The following UGGT1 variants were observed in gnomAD, a reference collection of about 807,000 sequenced individuals.
The protein encoded by UGGT1 is UDP-glucose:glycoprotein glucosyltransferase 1.
UGGT1 carries 107 observed loss-of-function variants against 203.9 expected under a neutral mutation model. That is an observed-to-expected ratio of 0.52 (90% CI 0.45 to 0.62). The LOEUF (loss-of-function observed/expected upper bound fraction) is 0.62, where lower values mean the gene tolerates loss of function less well. UGGT1 is among the 20% of genes least tolerant of loss of function. UGGT1 has a pLI of 0.00. For missense variants in UGGT1, 1,673 were observed against 1,867.2 expected (o/e 0.90, Z 1.92); for synonymous variants, 628 against 653.5 (o/e 0.96, Z 0.59).
At chr2:128,133,447 A>T (rs1281883561) in intron 14 of UGGT1, among the ~76,000 whole-genome samples, 187 bp downstream of exon 14, 5 of 152,120 alleles carry the variant, frequency 3.3e-5, no homozygotes, top group Non-Finnish European at 7.4e-5. Flanking sequence ...GGGCTGTGGG[A>T]TGTAACAGGA....
At chr2:128,137,612 A>G (rs770172572) in intron 15 of UGGT1, among the ~76,000 whole-genome samples, 1 of 152,232 alleles carries the variant, frequency 6.6e-6, no homozygotes, top group Non-Finnish European at 1.5e-5. Flanking sequence ...TGGATCTAAC[A>G]TCATTGCCAA....
intron 15 of UGGT1, among the ~76,000 whole-genome samples, chr2:128,135,350 T>C (rs899740394): frequency 1.3e-5 from 2 of 152,262 alleles, no homozygotes; most frequent in African/African-American, 2.4e-5. Context: ...CTTTTGTAGA[T>C]GCAAACAGTA....
rs1688354018 is a variant in UGGT1 at position 128,120,953 on chromosome 2, TTAGTGTAGC to T, written c.974-245_974-237del. Reference sequence around the variant, plus strand: ...CCTGATTTAGCCTGTGCTACATGCGTTAGTGTAGCGTTAGTGTGTGCCCTAGTGTTTTCT... The same window carrying T: ...CCTGATTTAGCCTGTGCTACATGCGTGTTAGTGTGTGCCCTAGTGTTTTCT... On this transcript the variant is annotated intron_variant, in intron 9 of 40. Coordinates refer to ENST00000259253, the MANE Select transcript of UGGT1 (RefSeq NM_020120.4). Among the ~76,000 whole-genome samples the T allele has an allele frequency of 1.9e-3, 6 of 3,180 alleles. No individual in the cohort carries two copies. In the South Asian group the frequency reaches 0.025, roughly 13 times the overall value. 2.1% of individuals were successfully genotyped at this position (3,180 alleles called of 152,430 possible). A position where few individuals can be genotyped will look rare whatever the true frequency, so the allele number is the denominator to read the frequency against.
intron 31 of UGGT1, 151 bp from the exon 32 acceptor site, chr2:128,176,663 C>T: frequency 2.7e-6 from 2 of 730,110 alleles, no homozygotes; most frequent in Non-Finnish European, 4.7e-6. Context: ...ACACGTGCTT[C>T]TGTGCAGCTC....
chr2:128,149,438 A>G (rs1230626752), intron 18 of UGGT1, among the ~76,000 whole-genome samples: 3 of 150,266 alleles, frequency 2.0e-5, no homozygotes, highest in East Asian at 4.1e-4. Flanking sequence ...AGGTCAGGAG[A>G]TTGAGACCAT....
intron 7 of UGGT1, 149 bp from the exon 8 acceptor site, chr2:128,116,116 T>C (rs1342273027): frequency 1.9e-6 from 1 of 538,518 alleles, no homozygotes; most frequent in African/African-American, 1.9e-5. Context: ...CAAAGGGTAA[T>C]TGTGATAGTC....
At chr2:128,131,245 A>AG (rs1310596395) in intron 13 of UGGT1, among the ~76,000 whole-genome samples, 1 of 148,940 alleles carries the variant, frequency 6.7e-6, no homozygotes, top group Non-Finnish European at 1.5e-5. Flanking sequence ...AAAAAAAAAA[A>AG]AAAAAAAAAA....
chr2:128,145,753 G>T, intron 17 of UGGT1, 50 bp from the exon 18 acceptor site: 1 of 1,467,728 alleles, frequency 6.8e-7, no homozygotes, highest in Non-Finnish European at 9.1e-7. Context: ...TGTTCCATTT[G>T]TCTCACAAAA....
At chr2:128,133,281 G>A in intron 14 of UGGT1, 21 bp downstream of exon 14, 1 of 1,599,366 alleles carries the variant, frequency 6.3e-7, no homozygotes, top group Admixed American at 1.7e-5. Context: ...CTTATTGTCT[G>A]GCTGTGAACT....
At chr2:128,107,186 C>T (rs1322394699) in intron 3 of UGGT1, among the ~76,000 whole-genome samples, 1 of 68,422 alleles carries the variant, frequency 1.5e-5, no homozygotes, top group African/African-American at 4.1e-5. Context: ...ATTCTTATTT[C>T]TCATTCTTTC....
chr2:128,161,378 T>A, intron 25 of UGGT1, 110 bp downstream of exon 25: 1 of 1,322,016 alleles, frequency 7.6e-7, no homozygotes, highest in South Asian at 1.5e-5. Flanking sequence ...GGAGTTTTAT[T>A]TCCAGTTTAA....
intron 22 of UGGT1, among the ~76,000 whole-genome samples, chr2:128,158,398 C>CATATTCTGTGTATGTAGTGGAA (rs1690351223): frequency 6.6e-6 from 1 of 152,164 alleles, no homozygotes; most frequent in Admixed American, 6.5e-5. Flanking sequence ...CCAGACACTA[C>CATATTCTGTGTATGTAGTGGAA]GCCTCTTCCC....
rs765499364 is a variant in UGGT1, at chr2:128,103,959, G to T, written c.222G>T (p.Glu74Asp). ...ASEFLAEDSQ[E>D]KFWNFVEASQ... is the part of the protein sequence containing the mutation. ...AGTTTTTAGCAGAAGACAGTCAAGAGAAATTTTGGAATTTTGTAGAAGCCA... is the reference window on the plus strand; with the variant it reads ...AGTTTTTAGCAGAAGACAGTCAAGATAAATTTTGGAATTTTGTAGAAGCCA... Residue 74 changes from glutamate (E) to aspartate (D), a missense_variant, in exon 3 of 41, where the codon GAG becomes GAT. Coordinates refer to ENST00000259253, the MANE Select transcript of UGGT1 (RefSeq NM_020120.4). The T allele has an allele frequency of 2.5e-6, 4 of 1,591,820 alleles. No individual in the cohort carries two copies. The highest frequency in any genetic ancestry group is 2.6e-6 in the Non-Finnish European group (3 of 1,173,726).
chr2:128,103,824 A>G (rs1573497113), intron 2 of UGGT1, 108 bp from the exon 3 acceptor site: 1 of 657,490 alleles, frequency 1.5e-6, no homozygotes, highest in Admixed American at 3.5e-5. Flanking sequence ...ATTAAAAGTC[A>G]AACTATGGAC....
At chr2:128,135,050 T>C in intron 15 of UGGT1, 89 bp downstream of exon 15, 1 of 1,122,856 alleles carries the variant, frequency 8.9e-7, no homozygotes, top group East Asian at 2.5e-5. Context: ...TACTGAGTTG[T>C]AGGATAATTA....
chr2:128,109,662 G>A lies in UGGT1; in HGVS notation c.437G>A (p.Gly146Glu), dbSNP rs767169917. The change falls in exon 5 of 41, where the codon GGA (glycine) becomes GAA (glutamate). Residue 146 changes from glycine (G) to glutamate (E), a missense_variant. Coordinates refer to ENST00000259253, the MANE Select transcript of UGGT1 (RefSeq NM_020120.4). ...GCAGCTGATGAACCTCCACCAGAAG[G>A]ATGTAATTCGTTTTTTTCAGTGCAT... ...QIAADEPPPE[G>E]CNSFFSVHGK... 2.5e-6 allele frequency: 4 copies of A among 1,613,992 alleles called. No homozygotes were observed. Among genetic ancestry groups the A allele is most frequent in the Admixed American group, 1.7e-5 (1 of 59,996 alleles).
At chr2:128,148,837 A>G (rs1039889791) in intron 18 of UGGT1, among the ~76,000 whole-genome samples, 4 of 152,154 alleles carry the variant, frequency 2.6e-5, no homozygotes, top group East Asian at 3.9e-4. Flanking sequence ...ATGTTAAACA[A>G]TTGCCCAGTT....
chr2:128,163,373 GTTT>G (rs5834199), intron 25 of UGGT1, among the ~76,000 whole-genome samples: 4 of 114,158 alleles, frequency 3.5e-5, no homozygotes, highest in African/African-American at 6.6e-5. Flanking sequence ...AAATTGGAGT[GTTT>G]TTTTTTTTTT....
chr2:128,187,527 G>C lies in UGGT1; in HGVS notation c.4555G>C (p.Glu1519Gln). The change falls in exon 40 of 41, where the codon GAG (glutamate) becomes CAG (glutamine). Residue 1519 changes from glutamate to glutamine, a missense_variant. Glu to Gln is a conservative substitution (Grantham distance 29). This residue lies in a region of UGGT1 where 513 missense variants were observed against 684.1 expected (regional missense o/e 0.75). Coordinates refer to ENST00000259253, the MANE Select transcript of UGGT1 (RefSeq NM_020120.4). ...IVPEWQDYDQ[E>Q]IKQLQIRFQK... Reference sequence around the variant, plus strand: ...CCCGGAGTGGCAGGACTACGACCAAGAGATCAAACAGCTACAGATCCGCTT... The same window carrying C: ...CCCGGAGTGGCAGGACTACGACCAACAGATCAAACAGCTACAGATCCGCTT... The C allele has an allele frequency of 6.2e-7, 1 of 1,614,148 alleles. No homozygotes were observed. Among genetic ancestry groups the C allele is most frequent in the Non-Finnish European group, 8.5e-7 (1 of 1,180,024 alleles).
Sources: allele counts gnomAD v4.1 joint callset (sites outside exome capture counted in the v4.1 genomes callset), GRCh38; gene constraint gnomAD v4.1.1; regional missense constraint gnomAD v4.1.1; transcripts MANE v1.5; gene names NCBI Gene and HGNC (gene_info 2026-07-23, HGNC 2026-07-21).